The following FAM227A variants were observed in gnomAD, a reference collection of about 807,000 sequenced individuals.
FAM227A encodes family with sequence similarity 227 member A.
A neutral mutation model predicts 74.7 loss-of-function variants in FAM227A; 80 were observed. The observed-to-expected ratio is 1.07, with a 90% confidence interval of 0.89 to 1.29. The LOEUF is 1.29. Among genes scored for constraint, FAM227A ranks in the 50% most tolerant of loss-of-function variants. The probability of loss-of-function intolerance (pLI) is 0.00; values close to 1 mark genes in which losing one functional copy is unlikely to be tolerated. For missense variants in FAM227A, 654 were observed against 683.4 expected, an observed-to-expected ratio of 0.96 and a Z score of 0.48; for synonymous variants, 237 against 241.8, an observed-to-expected ratio of 0.98 and a Z score of 0.19.
At chr22:38,592,347 CTAA>C (rs2090957523) in intron 15 of FAM227A, among the ~76,000 whole-genome samples, 2 of 152,140 alleles carry the variant, frequency 1.3e-5, no homozygotes, top group Non-Finnish European at 2.9e-5. Flanking sequence ...TACAATTCAC[CTAA>C]TGAGAATTTA....
intron 13 of FAM227A, among the ~76,000 whole-genome samples, chr22:38,602,036 T>C (rs1011985141): frequency 1.3e-5 from 2 of 152,252 alleles, no homozygotes; most frequent in African/African-American, 4.8e-5. Context: ...CATTTTATTT[T>C]GAAGAAGCAG....
chr22:38,625,311 C>T (rs1022145074), intron 9 of FAM227A, among the ~76,000 whole-genome samples: 1 of 151,686 alleles, frequency 6.6e-6, no homozygotes, highest in African/African-American at 2.4e-5. Context: ...ATGGCAAGAA[C>T]CCGGAAGGCT....
intron 6 of FAM227A, among the ~76,000 whole-genome samples, chr22:38,635,897 G>A (rs948380168): frequency 2.0e-5 from 3 of 151,888 alleles, no homozygotes; most frequent in Non-Finnish European, 4.4e-5. Context: ...AGGTTGAGGC[G>A]GGAGGATCAC....
chr22:38,593,473 C>G (rs2090981958), intron 15 of FAM227A, among the ~76,000 whole-genome samples: 1 of 152,140 alleles, frequency 6.6e-6, no homozygotes, highest in African/African-American at 2.4e-5. Context: ...CCTCTGCACT[C>G]CAGCCTGGGC....
chr22:38,601,456 G>A (rs951544274), intron 13 of FAM227A, among the ~76,000 whole-genome samples: 2 of 152,106 alleles, frequency 1.3e-5, no homozygotes, highest in African/African-American at 2.4e-5. Flanking sequence ...GGGGGCGGGT[G>A]CAGAGGGAGC....
chr22:38,601,270 C>G (rs551480523), intron 13 of FAM227A, among the ~76,000 whole-genome samples: 62 of 151,990 alleles, frequency 4.1e-4, no homozygotes, highest in African/African-American at 1.5e-3. Flanking sequence ...ATGGCGTGAT[C>G]AGGGAAGGCT....
chr22:38,650,287 C>A (rs1003329557), intron 1 of FAM227A, 25 bp from the exon 2 acceptor site: 1 of 1,015,464 alleles, frequency 9.8e-7, no homozygotes, highest in Admixed American at 2.5e-5. Context: ...CAGCATAGAG[C>A]CAGCTCAGAA....
chr22:38,611,514 C>T (rs1330982540), intron 11 of FAM227A, among the ~76,000 whole-genome samples: 3 of 152,124 alleles, frequency 2.0e-5, no homozygotes, highest in East Asian at 1.9e-4. Flanking sequence ...CATAACTAAA[C>T]GACAATCTCT....
chr22:38,593,419 G>A (rs758440021), intron 15 of FAM227A, among the ~76,000 whole-genome samples: 7 of 152,136 alleles, frequency 4.6e-5, no homozygotes, highest in Admixed American at 1.3e-4. Context: ...GCAGGAGAAC[G>A]GCATGAACCC....
At chr22:38,613,903 G>A (rs1016854721) in intron 11 of FAM227A, among the ~76,000 whole-genome samples, 4 of 152,044 alleles carry the variant, frequency 2.6e-5, no homozygotes, top group Non-Finnish European at 4.4e-5. Flanking sequence ...ACAGGGTCTC[G>A]CTCTACTGCC....
In FAM227A at chr22:38,607,385, A is replaced by G. The variant is rs777657550; in HGVS notation, c.1126+4T>C. ...TACATTTCCCTTTTTGGTAGTCAATATACCTTTTGCAGTATTCTGCATTCG... is the reference window on the plus strand; with the variant it reads ...TACATTTCCCTTTTTGGTAGTCAATGTACCTTTTGCAGTATTCTGCATTCG... On this transcript the variant is annotated splice_donor_region_variant and intron_variant, in intron 12 of 16. Coordinates refer to ENST00000535113, the MANE Select transcript of FAM227A (RefSeq NM_001013647.2). 327 of 1,546,582 alleles carry G rather than the reference A, an allele frequency of 2.1e-4. No individual in the cohort carries two copies. Among genetic ancestry groups the G allele is most frequent in the South Asian group, 2.6e-4 (22 of 83,960 alleles).
chr22:38,637,529 G>A (rs1406222282), intron 5 of FAM227A, among the ~76,000 whole-genome samples: 1 of 152,162 alleles, frequency 6.6e-6, no homozygotes, highest in Non-Finnish European at 1.5e-5. Context: ...CCACCCAAAG[G>A]TGCCCACTGA....
At chr22:38,643,086 G>A (rs559198611) in intron 3 of FAM227A, among the ~76,000 whole-genome samples, 44 of 151,998 alleles carry the variant, frequency 2.9e-4, no homozygotes, top group Non-Finnish European at 5.1e-4. Context: ...AGGCCGAGGC[G>A]GGTGGAACAC....
intron 2 of FAM227A, among the ~76,000 whole-genome samples, chr22:38,649,345 ACCTG>A (rs1393199705): frequency 1.3e-5 from 2 of 152,098 alleles, no homozygotes; most frequent in Admixed American, 6.6e-5. Context: ...CGGGCAGATC[ACCTG>A]AGGTCAGGAG....
At chr22:38,587,924 T>C (rs2090844069) in intron 16 of FAM227A, among the ~76,000 whole-genome samples, 1 of 152,172 alleles carries the variant, frequency 6.6e-6, no homozygotes, top group Non-Finnish European at 1.5e-5. Context: ...GATCAGTGTA[T>C]AGAGCACAAT....
chr22:38,610,626 C>A, intron 11 of FAM227A, among the ~76,000 whole-genome samples: 1 of 152,058 alleles, frequency 6.6e-6, no homozygotes, highest in East Asian at 1.9e-4. Context: ...CAAAGAAAAC[C>A]CGAACATGGG....
At chr22:38,598,109 T>C (rs971912460) in intron 14 of FAM227A, among the ~76,000 whole-genome samples, 1 of 151,822 alleles carries the variant, frequency 6.6e-6, no homozygotes, top group African/African-American at 2.4e-5. Flanking sequence ...CTTGATTGGT[T>C]AGAATCTCAG....
intron 6 of FAM227A, among the ~76,000 whole-genome samples, chr22:38,629,517 C>T (rs1039740636): frequency 6.6e-6 from 1 of 152,210 alleles, no homozygotes; most frequent in African/African-American, 2.4e-5. Context: ...ACTTTATTTT[C>T]CACAATCTAT....
At chr22:38,616,018 C>T (rs191127198) in intron 11 of FAM227A, among the ~76,000 whole-genome samples, 1 of 151,946 alleles carries the variant, frequency 6.6e-6, no homozygotes, top group Non-Finnish European at 1.5e-5. Flanking sequence ...GGCGTATGGG[C>T]GGTATTTGAA....
Sources: gnomAD v4.1 joint callset for allele counts (sites outside exome capture counted in the v4.1 genomes callset) on GRCh38, gnomAD v4.1.1 for gene constraint, MANE v1.5 for transcripts, NCBI Gene and HGNC (gene_info 2026-07-23, HGNC 2026-07-21) for gene names.